Variants in GREM2 observed in about 807,000 individuals in gnomAD.
GREM2 encodes gremlin 2, DAN family BMP antagonist.
GREM2 carries 11 observed loss-of-function variants against 14.2 expected under a neutral mutation model. That is an observed-to-expected ratio of 0.78 (90% confidence interval 0.49 to 1.28). The LOEUF is 1.28. Ranked by LOEUF, GREM2 falls within the 50% of genes most tolerant of loss-of-function variation. The pLI, the probability that GREM2 is intolerant of heterozygous loss-of-function variation, is 0.00. For missense variants in GREM2, 210 were observed against 218.5 expected, an observed-to-expected ratio of 0.96 and a Z score of 0.24; for synonymous variants, 98 against 97.6, an observed-to-expected ratio of 1.00 and a Z score of -0.02.
intron 1 of GREM2, among the ~76,000 whole-genome samples, chr1:240,509,428 G>T (rs1677753762): frequency 6.7e-6 from 1 of 149,352 alleles, no homozygotes; most frequent in Non-Finnish European, 1.5e-5. Context: ...GAGTGCAATG[G>T]CACGATCTTG....
At chr1:240,537,712 G>GCA (rs1678503632) in intron 1 of GREM2, among the ~76,000 whole-genome samples, 1 of 152,164 alleles carries the variant, frequency 6.6e-6, no homozygotes, top group Non-Finnish European at 1.5e-5. Context: ...TTGAATCCAG[G>GCA]AGGCGGAGGT....
chr1:240,555,203 G>T (rs1678931804), intron 1 of GREM2, among the ~76,000 whole-genome samples: 1 of 152,010 alleles, frequency 6.6e-6, no homozygotes, highest in Admixed American at 6.6e-5. Context: ...TATTCTGGGA[G>T]GCCTTATTTT....
At chr1:240,601,432 G>C (rs945475735) in intron 1 of GREM2, among the ~76,000 whole-genome samples, 2 of 152,260 alleles carry the variant, frequency 1.3e-5, no homozygotes, top group Non-Finnish European at 2.9e-5. Flanking sequence ...TGAGGACATA[G>C]AGCCAAAGTT....
chr1:240,512,829 A>G (rs151104664), intron 1 of GREM2, among the ~76,000 whole-genome samples: 182 of 152,282 alleles, frequency 1.2e-3, no homozygotes, highest in African/African-American at 4.1e-3. Context: ...TAGAAATTTA[A>G]TATCCTCTAT....
chr1:240,523,597 G>A (rs576441836), intron 1 of GREM2, among the ~76,000 whole-genome samples: 59 of 152,176 alleles, frequency 3.9e-4, no homozygotes, highest in African/African-American at 1.4e-3. Flanking sequence ...TTCATTAAAT[G>A]TATTGTAAGA....
At chr1:240,520,732 G>C (rs992398959) in intron 1 of GREM2, among the ~76,000 whole-genome samples, 1 of 151,740 alleles carries the variant, frequency 6.6e-6, no homozygotes, top group African/African-American at 2.4e-5. Context: ...TAGTAGAGAC[G>C]AGATTTCACC....
At chr1:240,501,358 A>G (rs1677565343) in intron 1 of GREM2, among the ~76,000 whole-genome samples, 1 of 152,226 alleles carries the variant, frequency 6.6e-6, no homozygotes, top group African/African-American at 2.4e-5. Flanking sequence ...AACACTGACT[A>G]TCATTTTGTT....
intron 1 of GREM2, among the ~76,000 whole-genome samples, chr1:240,585,502 G>A (rs1679577790): frequency 1.3e-5 from 2 of 152,012 alleles, no homozygotes; most frequent in South Asian, 4.2e-4. Context: ...GGACAAGGTG[G>A]GAGGATCACT....
intron 1 of GREM2, among the ~76,000 whole-genome samples, chr1:240,528,017 G>A (rs1330585525): frequency 6.6e-6 from 1 of 152,056 alleles, no homozygotes; most frequent in Non-Finnish European, 1.5e-5. Flanking sequence ...AGAAAATTTG[G>A]GTTAAAAAAC....
chr1:240,512,629 T>C (rs1401878519), intron 1 of GREM2, among the ~76,000 whole-genome samples: 1 of 152,216 alleles, frequency 6.6e-6, no homozygotes, highest in Admixed American at 6.5e-5. Flanking sequence ...CCCTGACGCA[T>C]TGATTTAAAG....
intron 1 of GREM2, among the ~76,000 whole-genome samples, chr1:240,573,233 A>C (rs1679293411): frequency 6.6e-6 from 1 of 152,168 alleles, no homozygotes; most frequent in African/African-American, 2.4e-5. Context: ...GAGGCCAAAG[A>C]GGGAGGATCA....
intron 1 of GREM2, among the ~76,000 whole-genome samples, chr1:240,600,396 A>T (rs774673672): frequency 6.6e-6 from 1 of 152,148 alleles, no homozygotes; most frequent in Non-Finnish European, 1.5e-5. Flanking sequence ...ATAACAGTTC[A>T]CTAATCCAAC....
chr1:240,606,205 A>G (rs1260616769), intron 1 of GREM2, among the ~76,000 whole-genome samples: 2 of 152,222 alleles, frequency 1.3e-5, no homozygotes, highest in Non-Finnish European at 2.9e-5. Context: ...CTTAAGCATC[A>G]GTTTTGTGCT....
At chr1:240,557,414 T>C (rs1296778801) in intron 1 of GREM2, among the ~76,000 whole-genome samples, 1 of 151,932 alleles carries the variant, frequency 6.6e-6, no homozygotes, top group African/African-American at 2.4e-5. Context: ...AAAATTCTCC[T>C]GAAAAAGAAA....
At chr1:240,608,586 G>T (rs1680076356) in intron 1 of GREM2, among the ~76,000 whole-genome samples, 1 of 152,222 alleles carries the variant, frequency 6.6e-6, no homozygotes, top group African/African-American at 2.4e-5. Context: ...GACAATGTTT[G>T]TTCTAGACGA....
intron 1 of GREM2, among the ~76,000 whole-genome samples, chr1:240,563,148 A>AGT (rs1256674800): frequency 2.5e-5 from 3 of 121,696 alleles, no homozygotes; most frequent in African/African-American, 1.1e-4. Context: ...TGTGTGTGTG[A>AGT]GTGTGTATGT....
chr1:240,550,005 G>C (rs1401345444), intron 1 of GREM2: 1 of 152,236 alleles, frequency 6.6e-6, no homozygotes, highest in African/African-American at 2.4e-5. Flanking sequence ...CCATGTCAGG[G>C]GCACCGATTG....
At chr1:240,604,263 G>A (rs1341090857) in intron 1 of GREM2, among the ~76,000 whole-genome samples, 1 of 151,692 alleles carries the variant, frequency 6.6e-6, no homozygotes, top group East Asian at 2.0e-4. Context: ...ATGTGATGTG[G>A]AGGGGACAAA....
intron 1 of GREM2, among the ~76,000 whole-genome samples, chr1:240,600,514 G>A (rs1679901068): frequency 6.6e-6 from 1 of 151,234 alleles, no homozygotes; most frequent in African/African-American, 2.4e-5. Context: ...ATGGAGTTTT[G>A]CTCTTGTCAC....
Sources: allele counts gnomAD v4.1 joint callset (sites outside exome capture counted in the v4.1 genomes callset), GRCh38; gene constraint gnomAD v4.1.1; transcripts MANE v1.5; gene names NCBI Gene and HGNC (gene_info 2026-07-23, HGNC 2026-07-21).